ADAMTS17: variants seen among roughly 807,000 people sequenced by gnomAD.
The protein encoded by ADAMTS17 is ADAM metallopeptidase with thrombospondin type 1 motif 17, also known as A disintegrin and metalloproteinase with thrombospondin motifs 17.
In ADAMTS17, 113 loss-of-function variants were observed where a neutral mutation model predicts 141.5. The observed-to-expected ratio is 0.80, with a 90% CI of 0.69 to 0.93. ADAMTS17 has a LOEUF of 0.93. Ranked by LOEUF, ADAMTS17 falls within the 40% of genes least tolerant of loss-of-function variation. ADAMTS17 has a pLI of 0.00. For missense variants in ADAMTS17, 1,659 were observed against 1,517.9 expected (o/e 1.09, Z -1.54); for synonymous variants, 768 against 630.6 (o/e 1.22, Z -3.27).
intron 1 of ADAMTS17, 47 bp from the exon 2 acceptor site, chr15:100,341,456 C>G: frequency 9.9e-7 from 1 of 1,007,750 alleles, no homozygotes; most frequent in Non-Finnish European, 1.2e-6. Flanking sequence ...CCCGCCCGGA[C>G]GCCCGCCCTC....
At chr15:100,182,325 A>G (rs963130010) in intron 8 of ADAMTS17, among the ~76,000 whole-genome samples, 32 of 152,208 alleles carry the variant, frequency 2.1e-4, no homozygotes, top group African/African-American at 7.7e-4. Flanking sequence ...TCGCAAGAAC[A>G]GCATGGGGAA....
chr15:100,132,255 A>G lies in ADAMTS17; in HGVS notation c.1576-103T>C, dbSNP rs914768887. On this transcript the variant is annotated intron_variant, in intron 11 of 21. Transcript: ENST00000268070. ...CGTGCTGCCAAAAACCCATTTGCTAAATTTACATAAAGGTACAGTCTATTT... is the reference window on the plus strand; with the variant it reads ...CGTGCTGCCAAAAACCCATTTGCTAGATTTACATAAAGGTACAGTCTATTT... 48 of 1,460,832 alleles carry G rather than the reference A, an allele frequency of 3.3e-5. No homozygotes were observed. In the Admixed American group the frequency reaches 8.2e-4, roughly 25 times the overall value. The allele number at this position is 1,460,832 out of a possible 1,614,324, so 90.5% of individuals were successfully genotyped here.
intron 2 of ADAMTS17, among the ~76,000 whole-genome samples, chr15:100,338,068 A>C (rs1387803896): frequency 6.6e-6 from 1 of 152,256 alleles, no homozygotes; most frequent in Non-Finnish European, 1.5e-5. Context: ...AAATGTAAAT[A>C]CAATGAAGAA....
chr15:99,993,162 G>A lies in ADAMTS17; in HGVS notation c.2835C>T (p.Thr945=), dbSNP rs768358145. 15 of 1,614,038 alleles carry A rather than the reference G, an allele frequency of 9.3e-6. No individual in the cohort carries two copies. Among genetic ancestry groups the A allele is most frequent in the East Asian group, 4.5e-5 (2 of 44,888 alleles). Residue 945 remains threonine (T), a synonymous_variant, in exon 20 of 22, where the codon ACC becomes ACT. Transcript: ENST00000268070. The surrounding 1 kb of genome is among the most constrained non-coding windows in gnomAD (Gnocchi z 4.3). ...TCCCTTGTGAGTTGGTGCACGCCAC[G>A]GTCCGTTTCCACACCCCTTTACCAC... is the stretch of plus-strand genomic sequence containing the variant. ...ASCGKGVWKR[T]VACTNSQGKC...
At chr15:100,085,332 A>G (rs1024173996) in intron 15 of ADAMTS17, among the ~76,000 whole-genome samples, 2 of 147,358 alleles carry the variant, frequency 1.4e-5, no homozygotes, top group Non-Finnish European at 3.0e-5. Flanking sequence ...TCCAAGAAAT[A>G]TGGGACTATG....
chr15:100,269,922 C>G (rs191905771), intron 4 of ADAMTS17, among the ~76,000 whole-genome samples: 2 of 152,314 alleles, frequency 1.3e-5, no homozygotes, highest in East Asian at 3.9e-4. Context: ...AGATCCAGCC[C>G]CTGTTGCTTG....
At chr15:100,064,832 T>C (rs1464084966) in intron 15 of ADAMTS17, among the ~76,000 whole-genome samples, 4 of 152,318 alleles carry the variant, frequency 2.6e-5, no homozygotes, top group Non-Finnish European at 4.4e-5. Context: ...TTCTGAAACG[T>C]AGGCTGGTAA....
At chr15:100,329,904 C>T (rs2045999113) in intron 3 of ADAMTS17, among the ~76,000 whole-genome samples, 1 of 152,150 alleles carries the variant, frequency 6.6e-6, no homozygotes, top group South Asian at 2.1e-4. Context: ...CCAATGTCAC[C>T]GGGATACTAA....
chr15:100,190,283 C>T (rs76585652), intron 8 of ADAMTS17, among the ~76,000 whole-genome samples: 2,102 of 152,306 alleles, frequency 0.014, 65 homozygotes, highest in African/African-American at 0.047. Context: ...TGCATGATTC[C>T]GTGGCTCTCC....
At chr15:100,004,205 T>C (rs967450421) in intron 18 of ADAMTS17, among the ~76,000 whole-genome samples, 10 of 152,156 alleles carry the variant, frequency 6.6e-5, no homozygotes, top group African/African-American at 2.2e-4. Flanking sequence ...TCTACGGGGG[T>C]TGCTGTGTGG....
At position 100,262,342 on chromosome 15, in the gene ADAMTS17, G is replaced by A. The variant is rs777865176; in HGVS notation, c.873+10C>T. 6.2e-6 allele frequency: 10 copies of A among 1,612,754 alleles called. No homozygotes were observed. The highest frequency in any genetic ancestry group is 2.2e-5 in the South Asian group (2 of 90,972). On this transcript the variant is annotated intron_variant, in intron 5 of 21. Coordinates refer to ENST00000268070, the MANE Select transcript of ADAMTS17 (RefSeq NM_139057.4). ...TTCTGCTTGCTTGAAAGGTGCCTGT[G>A]GGGACTTACGGGACGTTGTCGTAGC...
At chr15:100,096,682 C>A (rs576206712) in intron 14 of ADAMTS17, among the ~76,000 whole-genome samples, 1 of 149,182 alleles carries the variant, frequency 6.7e-6, no homozygotes, top group Non-Finnish European at 1.5e-5. Flanking sequence ...TCTTTATACC[C>A]GCATAGCTGT....
chr15:100,122,414 C>T (rs886086769), intron 12 of ADAMTS17, among the ~76,000 whole-genome samples: 23 of 152,168 alleles, frequency 1.5e-4, no homozygotes, highest in Admixed American at 4.6e-4. Context: ...AATTGCTATG[C>T]GGCAGGACCC....
chr15:100,102,051 G>A (rs755722174), intron 14 of ADAMTS17, among the ~76,000 whole-genome samples: 9 of 152,196 alleles, frequency 5.9e-5, no homozygotes, highest in African/African-American at 9.7e-5. Flanking sequence ...ACGCATGCAT[G>A]GAAAATAGAA....
intron 15 of ADAMTS17, among the ~76,000 whole-genome samples, chr15:100,087,235 T>C (rs577398088): frequency 7.0e-4 from 106 of 152,310 alleles, no homozygotes; most frequent in African/African-American, 2.3e-3. Flanking sequence ...CTAGAAAATC[T>C]AGAAGAAATG....
At chr15:100,126,683 G>A (rs1313188025) in intron 12 of ADAMTS17, among the ~76,000 whole-genome samples, 2 of 152,216 alleles carry the variant, frequency 1.3e-5, no homozygotes, top group Admixed American at 1.3e-4. Context: ...TGATATTAGG[G>A]ATGTGTTTTG....
At chr15:100,219,801 C>A (rs1177341667) in intron 7 of ADAMTS17, among the ~76,000 whole-genome samples, 1 of 152,198 alleles carries the variant, frequency 6.6e-6, no homozygotes, top group Non-Finnish European at 1.5e-5. Flanking sequence ...ATTCAGAAGT[C>A]CCACATGCTC....
chr15:100,122,560 T>G (rs2037504094), intron 12 of ADAMTS17, among the ~76,000 whole-genome samples: 1 of 152,202 alleles, frequency 6.6e-6, no homozygotes, highest in Non-Finnish European at 1.5e-5. Flanking sequence ...TCACATGTAG[T>G]AGAAAATCCA....
intron 3 of ADAMTS17, among the ~76,000 whole-genome samples, chr15:100,284,538 T>C (rs948467142): frequency 2.6e-5 from 4 of 152,174 alleles, no homozygotes; most frequent in African/African-American, 9.7e-5. Context: ...CTTGCATTCC[T>C]TTCCAACGCA....
Sources: gnomAD v4.1 joint callset for allele counts (sites outside exome capture counted in the v4.1 genomes callset) on GRCh38, gnomAD v4.1.1 for gene constraint, Gnocchi (gnomAD v3.1) non-coding constraint, MANE v1.5 for transcripts, NCBI Gene and HGNC (gene_info 2026-07-23, HGNC 2026-07-21) for gene names.